The following ZHX3 variants were observed in gnomAD, a reference collection of about 807,000 sequenced individuals.
ZHX3 encodes the protein zinc fingers and homeoboxes protein 3.
ZHX3 carries 20 observed loss-of-function variants against 64.5 expected under a neutral mutation model. The ratio of observed to expected loss-of-function variants is 0.31; its 90% CI spans 0.22 to 0.45. The LOEUF is 0.45. ZHX3 is among the 20% of genes least tolerant of loss of function. The pLI, the probability that ZHX3 is intolerant of heterozygous loss-of-function variation, is 1.00. For synonymous variants in ZHX3, 423 were observed against 461.6 expected, an observed-to-expected ratio of 0.92 and a Z score of 1.07; for missense variants, 1,041 against 1,195.8, an observed-to-expected ratio of 0.87 and a Z score of 1.91.
intron 2 of ZHX3, among the ~76,000 whole-genome samples, chr20:41,262,150 A>G (rs1407775296): frequency 6.6e-6 from 1 of 152,164 alleles, no homozygotes; most frequent in Non-Finnish European, 1.5e-5. Flanking sequence ...TCCTTGCTCA[A>G]GTTGTTCTCA....
At chr20:41,257,720 T>C (rs2042334678) in intron 2 of ZHX3, among the ~76,000 whole-genome samples, 1 of 150,576 alleles carries the variant, frequency 6.6e-6, no homozygotes, top group Non-Finnish European at 1.5e-5. Flanking sequence ...CAAGCAATTC[T>C]CCTGCCTCAG....
intron 2 of ZHX3, among the ~76,000 whole-genome samples, chr20:41,235,736 C>T (rs1319965589): frequency 3.9e-5 from 6 of 152,206 alleles, no homozygotes; most frequent in Non-Finnish European, 2.9e-5. Flanking sequence ...TCTCTCACCA[C>T]TCCTATTCAA....
At chr20:41,242,520 C>A (rs1490877224) in intron 2 of ZHX3, among the ~76,000 whole-genome samples, 1 of 152,248 alleles carries the variant, frequency 6.6e-6, no homozygotes, top group African/African-American at 2.4e-5. Flanking sequence ...GGAGGAGCCA[C>A]ATACACAGCT....
intron 1 of ZHX3, among the ~76,000 whole-genome samples, chr20:41,289,501 T>C (rs1049894389): frequency 2.6e-5 from 4 of 152,204 alleles, no homozygotes; most frequent in Non-Finnish European, 5.9e-5. Context: ...AGTTACATTA[T>C]TGCACTGGTT....
intron 2 of ZHX3, among the ~76,000 whole-genome samples, chr20:41,235,019 G>A (rs886584913): frequency 6.6e-6 from 1 of 152,192 alleles, no homozygotes; most frequent in Non-Finnish European, 1.5e-5. Flanking sequence ...GTATAGTTCA[G>A]CTAGTTCACT....
At chr20:41,261,203 T>G (rs2042545238) in intron 2 of ZHX3, among the ~76,000 whole-genome samples, 1 of 152,090 alleles carries the variant, frequency 6.6e-6, no homozygotes, top group Non-Finnish European at 1.5e-5. Context: ...AGTAAACAAG[T>G]TAACAAATAG....
intron 2 of ZHX3, among the ~76,000 whole-genome samples, chr20:41,250,361 T>C (rs1413058795): frequency 2.6e-5 from 4 of 152,212 alleles, no homozygotes; most frequent in African/African-American, 7.2e-5. Context: ...ACTCTCTTAA[T>C]AGACAAAATG....
At chr20:41,267,941 T>C (rs1331378137) in intron 2 of ZHX3, among the ~76,000 whole-genome samples, 1 of 152,212 alleles carries the variant, frequency 6.6e-6, no homozygotes, top group Non-Finnish European at 1.5e-5. Context: ...GATTGATATA[T>C]AAAGCCACTA....
intron 3 of ZHX3, among the ~76,000 whole-genome samples, chr20:41,196,482 T>TTAAATATTTA: frequency 1.2e-4 from 1 of 8,302 alleles, no homozygotes; most frequent in East Asian, 6.6e-3. Flanking sequence ...TATTTATATA[T>TTAAATATTTA]TATAAATATA....
rs191929829 is a variant in ZHX3, at chr20:41,188,193, T to G, written c.2861-2992A>C. ...TATTTGTCTTTCTGTGCCTGGGATA[T>G]TCCAATGAACATAATGACCTCCAGT... is the stretch of plus-strand genomic sequence containing the variant. On this transcript the variant is annotated intron_variant, in intron 3 of 3. Transcript: ENST00000683867. Among the ~76,000 whole-genome samples the G allele has an allele frequency of 1.3e-3, 200 of 152,318 alleles. 1 individual carries two copies. Among genetic ancestry groups the G allele is most frequent in the Non-Finnish European group, 2.1e-3 (143 of 68,026 alleles).
At chr20:41,268,876 C>T (rs559403122) in intron 2 of ZHX3, 114 bp downstream of exon 2, 2 of 152,200 alleles carry the variant, frequency 1.3e-5, no homozygotes, top group East Asian at 3.9e-4. Flanking sequence ...AATAGCAATG[C>T]GAAGACTAAA....
chr20:41,217,006 T>G (rs1026978089), intron 2 of ZHX3, among the ~76,000 whole-genome samples: 5 of 152,226 alleles, frequency 3.3e-5, no homozygotes, highest in African/African-American at 9.6e-5. Context: ...TCCATTTTCC[T>G]ATGGGATGTC....
intron 3 of ZHX3, among the ~76,000 whole-genome samples, chr20:41,196,263 G>GGT (rs1256175356): frequency 9.0e-6 from 1 of 110,896 alleles, no homozygotes; most frequent in Non-Finnish European, 1.7e-5. Context: ...CTCTGTTAGG[G>GGT]GTATATATAT....
chr20:41,199,085 T>C (rs1215088328), intron 3 of ZHX3, among the ~76,000 whole-genome samples: 1 of 152,220 alleles, frequency 6.6e-6, no homozygotes, highest in Admixed American at 6.5e-5. Flanking sequence ...CTTTTTATAA[T>C]TTCTATCTCT....
intron 2 of ZHX3, among the ~76,000 whole-genome samples, chr20:41,235,424 T>C (rs908283569): frequency 6.6e-6 from 1 of 152,172 alleles, no homozygotes; most frequent in South Asian, 2.1e-4. Context: ...TTATCTACCA[T>C]GACCAAGTTG....
At chr20:41,315,543 G>A (rs910858810) in intron 1 of ZHX3, among the ~76,000 whole-genome samples, 1 of 151,886 alleles carries the variant, frequency 6.6e-6, no homozygotes, top group Non-Finnish European at 1.5e-5. Context: ...ATGGTTGTTC[G>A]GAAGAGGGTT....
intron 1 of ZHX3, among the ~76,000 whole-genome samples, chr20:41,279,881 A>G (rs1440872481): frequency 1.3e-5 from 2 of 152,224 alleles, no homozygotes; most frequent in Non-Finnish European, 2.9e-5. Context: ...AAATTCAGAG[A>G]TAAGTGAAGC....
chr20:41,250,031 A>C (rs2041912600), intron 2 of ZHX3, among the ~76,000 whole-genome samples: 1 of 152,080 alleles, frequency 6.6e-6, no homozygotes, highest in Non-Finnish European at 1.5e-5. Context: ...CACTAACAAT[A>C]AAGCAGTCTG....
At chr20:41,286,031 G>C (rs187171513) in intron 1 of ZHX3, among the ~76,000 whole-genome samples, 112 of 152,334 alleles carry the variant, frequency 7.4e-4, no homozygotes, top group African/African-American at 2.6e-3. Context: ...TCACTGTTGA[G>C]AATGCACTTT....
Sources: gnomAD v4.1 joint callset for allele counts (sites outside exome capture counted in the v4.1 genomes callset) on GRCh38, gnomAD v4.1.1 for gene constraint, MANE v1.5 for transcripts, NCBI Gene and HGNC (gene_info 2026-07-23, HGNC 2026-07-21) for gene names.